The following PDGFRL variants were observed in gnomAD, a reference collection of about 807,000 sequenced individuals.
The protein encoded by PDGFRL is platelet-derived growth factor receptor-like protein.
In PDGFRL, 46 loss-of-function variants were observed where a neutral mutation model predicts 37.2. The observed-to-expected ratio is 1.24, with a 90% CI of 0.98 to 1.58. PDGFRL has a LOEUF of 1.58. Ranked by LOEUF, PDGFRL falls within the 40% of genes most tolerant of loss-of-function variation. PDGFRL has a pLI of 0.00. For synonymous variants in PDGFRL, 251 were observed against 184.3 expected (o/e 1.36, Z -2.93); for missense variants, 692 against 467.6 (o/e 1.48, Z -4.43).
intron 1 of PDGFRL, among the ~76,000 whole-genome samples, chr8:17,581,662 G>C (rs866922843): frequency 2.0e-5 from 3 of 152,130 alleles, no homozygotes; most frequent in African/African-American, 7.2e-5. Context: ...AGAGAGTCTG[G>C]TCCCTCCTCC....
intron 1 of PDGFRL, among the ~76,000 whole-genome samples, chr8:17,584,041 A>G (rs965013694): frequency 1.3e-5 from 2 of 152,318 alleles, no homozygotes; most frequent in South Asian, 2.1e-4. Context: ...AGGAGATAGT[A>G]TAAATGTCTG....
chr8:17,589,522 G>C lies in PDGFRL; in HGVS notation c.110G>C (p.Arg37Thr), dbSNP rs557023346. ...NKRPKEPGEN[R>T]IKPTNKKVKP... ...CGTCCAAAAGAACCAGGAGAGAATAGAATCAAACCTACCAACAAGAAGGTG... is the reference window on the plus strand; with the variant it reads ...CGTCCAAAAGAACCAGGAGAGAATACAATCAAACCTACCAACAAGAAGGTG... Residue 37 changes from arginine (R) to threonine (T), a missense_variant, in exon 2 of 6, where the codon AGA (arginine) becomes ACA (threonine). Coordinates refer to ENST00000251630, the MANE Select transcript of PDGFRL (RefSeq NM_001372073.1). 1.9e-5 allele frequency: 30 copies of C among 1,613,932 alleles called. No individual in the cohort carries two copies. The African/African-American group carries it at 3.2e-4, about 17-fold the overall frequency.
chr8:17,637,434 G>A (rs1168860425), intron 5 of PDGFRL, among the ~76,000 whole-genome samples: 1 of 152,100 alleles, frequency 6.6e-6, no homozygotes, highest in Non-Finnish European at 1.5e-5. Context: ...TGATCATGGT[G>A]GACTATCTAT....
At chr8:17,579,224 AC>A (rs1276717198) in intron 1 of PDGFRL, among the ~76,000 whole-genome samples, 106 of 152,296 alleles carry the variant, frequency 7.0e-4, no homozygotes, top group African/African-American at 2.4e-3. Context: ...ATAAAAGCAC[AC>A]ATATCTATAA....
intron 2 of PDGFRL, among the ~76,000 whole-genome samples, chr8:17,599,368 T>A (rs1585309020): frequency 6.6e-6 from 1 of 152,312 alleles, no homozygotes; most frequent in East Asian, 1.9e-4. Context: ...ACAGCTTAGC[T>A]CCCACATATC....
At chr8:17,585,005 G>A (rs531580484) in intron 1 of PDGFRL, among the ~76,000 whole-genome samples, 5 of 152,192 alleles carry the variant, frequency 3.3e-5, no homozygotes, top group South Asian at 4.2e-4. Flanking sequence ...GGAAAGGGAC[G>A]GGAAATTCCT....
At position 17,577,298 on chromosome 8, in the gene PDGFRL, C is replaced by T. The variant is rs763725461; in HGVS notation, c.46C>T (p.Leu16=). ...LLGLLLVHEA[L]EDVTGQHLPK... The stretch of plus-strand genomic sequence containing the variant: ...TGGTCTTCTGCTGGTGCACGAAGCG[C>T]TGGAGGATGGTGAGTGACTCTGGGC... The change falls in exon 1 of 6, where the codon CTG becomes TTG. Residue 16 remains leucine (L), a synonymous_variant. Coordinates refer to ENST00000251630, the MANE Select transcript of PDGFRL (RefSeq NM_001372073.1). 1 of 1,612,948 alleles carries T rather than the reference C, an allele frequency of 6.2e-7. No individual in the cohort carries two copies. The highest frequency in any genetic ancestry group is 8.5e-7 in the Non-Finnish European group (1 of 1,179,536).
chr8:17,641,018 G>T (rs1805081046), intron 5 of PDGFRL, among the ~76,000 whole-genome samples: 1 of 152,040 alleles, frequency 6.6e-6, no homozygotes, highest in Non-Finnish European at 1.5e-5. Flanking sequence ...GATTATGGCT[G>T]CTCTGCTGTG....
At chr8:17,588,113 G>T (rs1261938936) in intron 1 of PDGFRL, among the ~76,000 whole-genome samples, 1 of 151,514 alleles carries the variant, frequency 6.6e-6, no homozygotes, top group African/African-American at 2.4e-5. Context: ...GCAACTTAAA[G>T]TCAGTTAGCT....
intron 2 of PDGFRL, chr8:17,596,329 C>A: frequency 8.1e-7 from 1 of 1,236,170 alleles, no homozygotes; most frequent in Non-Finnish European, 1.0e-6. Context: ...ATGGGCTGCA[C>A]GTAACTCCGT....
chr8:17,584,971 G>T lies in PDGFRL; in HGVS notation c.56-4497G>T, dbSNP rs530095320. Among the ~76,000 whole-genome samples, 6 of 151,816 alleles carry T rather than the reference G, an allele frequency of 4.0e-5. No individual in the cohort carries two copies. In the South Asian group the frequency reaches 1.0e-3, roughly 26 times the overall value. ...CTTCTTGATTATATGCTAAACAAGG[G>T]GTGGATTATTCATGAGTTTTCCGGG... is the stretch of plus-strand genomic sequence containing the variant. On this transcript the variant is annotated intron_variant, in intron 1 of 5. Coordinates refer to ENST00000251630, the MANE Select transcript of PDGFRL (RefSeq NM_001372073.1).
chr8:17,602,380 G>A (rs941567686), intron 2 of PDGFRL, among the ~76,000 whole-genome samples: 1 of 152,150 alleles, frequency 6.6e-6, no homozygotes, highest in Non-Finnish European at 1.5e-5. Context: ...CAGAGCGGCT[G>A]CCCCACTTCA....
chr8:17,595,889 C>A (rs1029412925), intron 2 of PDGFRL, among the ~76,000 whole-genome samples: 5 of 152,210 alleles, frequency 3.3e-5, no homozygotes, highest in African/African-American at 1.2e-4. Context: ...GAGGGAGGGG[C>A]AGGCAGGCCC....
intron 2 of PDGFRL, among the ~76,000 whole-genome samples, chr8:17,594,774 C>G (rs992278628): frequency 6.6e-6 from 1 of 152,062 alleles, no homozygotes; most frequent in Non-Finnish European, 1.5e-5. Flanking sequence ...ATCTCCTGAC[C>G]TCATGATCCA....
intron 2 of PDGFRL, among the ~76,000 whole-genome samples, chr8:17,593,972 C>T (rs906141176): frequency 6.6e-6 from 1 of 152,176 alleles, no homozygotes; most frequent in African/African-American, 2.4e-5. Flanking sequence ...TATAATAGAC[C>T]TCTAGACCGT....
At chr8:17,638,819 T>C (rs1368689583) in intron 5 of PDGFRL, among the ~76,000 whole-genome samples, 2 of 141,890 alleles carry the variant, frequency 1.4e-5, no homozygotes, top group Non-Finnish European at 3.1e-5. Flanking sequence ...GCAAGTCCTT[T>C]TATCATTACA....
intron 5 of PDGFRL, among the ~76,000 whole-genome samples, chr8:17,638,776 T>TATATATAAAA (rs1554556064): frequency 9.4e-6 from 1 of 106,022 alleles, no homozygotes; most frequent in African/African-American, 4.4e-5. Context: ...TATATATATA[T>TATATATAAAA]ATATATATAT....
intron 2 of PDGFRL, among the ~76,000 whole-genome samples, chr8:17,607,491 G>A (rs947616202): frequency 1.3e-5 from 2 of 152,220 alleles, no homozygotes; most frequent in Non-Finnish European, 2.9e-5. Flanking sequence ...TATCCCAGAT[G>A]TGTTGCACAG....
chr8:17,619,727 T>C (rs549534652), intron 2 of PDGFRL, among the ~76,000 whole-genome samples: 1 of 152,370 alleles, frequency 6.6e-6, no homozygotes, highest in Non-Finnish European at 1.5e-5. Context: ...CTTTCATTTA[T>C]GTTGACTGCT....
Sources: gnomAD v4.1 joint callset for allele counts (sites outside exome capture counted in the v4.1 genomes callset) on GRCh38, gnomAD v4.1.1 for gene constraint, MANE v1.5 for transcripts, NCBI Gene and HGNC (gene_info 2026-07-23, HGNC 2026-07-21) for gene names.